The following UGT1A3 variants were observed in gnomAD, a reference collection of about 807,000 sequenced individuals.
UGT1A3 encodes the protein UDP-glucuronosyltransferase 1A3.
Under a neutral mutation model 41.0 loss-of-function variants are expected in UGT1A3, and 31 were observed. That is an observed-to-expected ratio of 0.76 (90% CI 0.57 to 1.02). UGT1A3 has a LOEUF of 1.02. UGT1A3 is among the 50% of genes least tolerant of loss of function. UGT1A3 has a pLI of 0.00. For missense variants in UGT1A3, 737 were observed against 671.0 expected (o/e 1.10, Z -1.09); for synonymous variants, 262 against 257.6 (o/e 1.02, Z -0.17).
chr2:233,757,994 T>C (rs1233482965), intron 1 of UGT1A3, among the ~76,000 whole-genome samples: 1 of 152,092 alleles, frequency 6.6e-6, no homozygotes, highest in Non-Finnish European at 1.5e-5. Context: ...TCCCCTGTAA[T>C]TGCCTGGTCA....
At chr2:233,761,009 A>G (rs1395770157) in intron 1 of UGT1A3, 4 of 1,613,884 alleles carry the variant, frequency 2.5e-6, no homozygotes, top group Non-Finnish European at 3.4e-6. Flanking sequence ...CTTCAGAGAG[A>G]GGTGACTGTC....
At chr2:233,764,822 A>G (rs963945721) in intron 1 of UGT1A3, among the ~76,000 whole-genome samples, 3 of 152,082 alleles carry the variant, frequency 2.0e-5, no homozygotes, top group Non-Finnish European at 4.4e-5. Flanking sequence ...AAAATGCAGC[A>G]TGGTGGTGGG....
rs942843599 is a variant in UGT1A3, at chr2:233,747,037, A to G, written c.867+17044A>G. Among the ~76,000 whole-genome samples the G allele has an allele frequency of 1.1e-4, 16 of 151,986 alleles. 1 individual carries two copies. Among genetic ancestry groups the G allele is most frequent in the African/African-American group, 3.9e-4 (16 of 41,218 alleles). ...ATCGGTCTTTCCCGAAGTGGGACCC[A>G]TAATGAAAGACAATGATTGGTTAAT... is the stretch of plus-strand genomic sequence containing the variant. On this transcript the variant is annotated intron_variant, in intron 1 of 4. Transcript: ENST00000482026.
At position 233,729,885 on chromosome 2, in the gene UGT1A3, T is replaced by C. The variant is rs2077943126; in HGVS notation, c.759T>C (p.Ser253=). Residue 253 remains serine, a synonymous_variant, in exon 1 of 5, where the codon TCT becomes TCC. Transcript: ENST00000482026. The part of the protein sequence containing the change: ...VSVVDILSHA[S]VWLFRGDFVM... ...TGGTGGATATTCTCAGTCATGCATC[T>C]GTGTGGCTGTTCCGAGGGGACTTTG... is the stretch of plus-strand genomic sequence containing the variant. 1.9e-6 allele frequency: 3 copies of C among 1,613,802 alleles called. No homozygotes were observed. Among genetic ancestry groups the C allele is most frequent in the South Asian group, 1.1e-5 (1 of 91,068 alleles).
In UGT1A3 at chr2:233,729,302, T is replaced by A; in HGVS notation, c.176T>A (p.Val59Glu). The A allele has an allele frequency of 6.2e-7, 1 of 1,614,250 alleles. No homozygotes were observed. Among genetic ancestry groups the A allele is most frequent in the Non-Finnish European group, 8.5e-7 (1 of 1,180,042 alleles). Residue 59 changes from valine to glutamate, a missense_variant, in exon 1 of 5, where the codon GTG (valine) becomes GAG (glutamate). Val to Glu is a moderately radical substitution (Grantham distance 121). Transcript: ENST00000482026. ...CTCCATGCCAGAGGCCACCAGGCAG[T>A]GGTCCTCACCCCAGAGGTGAATATG... is the stretch of plus-strand genomic sequence containing the variant. ...RELHARGHQAVVLTPEVNMHI... is the reference protein window; with the variant it reads ...RELHARGHQAEVLTPEVNMHI...
intron 1 of UGT1A3, among the ~76,000 whole-genome samples, chr2:233,746,318 T>A (rs1693357703): frequency 6.6e-6 from 1 of 151,812 alleles, no homozygotes; most frequent in Non-Finnish European, 1.5e-5. Context: ...GCCCTGTAGA[T>A]GATCTACAGG....
intron 2 of UGT1A3, 91 bp from the exon 3 acceptor site, chr2:233,767,758 G>A: frequency 6.2e-7 from 1 of 1,604,004 alleles, no homozygotes. Context: ...TGTTCCTTCA[G>A]AGGACCCCTG....
At chr2:233,756,070 G>A (rs1207859334) in intron 1 of UGT1A3, 1 of 152,196 alleles carries the variant, frequency 6.6e-6, no homozygotes, top group African/African-American at 2.4e-5. Flanking sequence ...GTGGGAGAAT[G>A]ACAATGAGAA....
At chr2:233,731,985 C>T (rs770013724) in intron 1 of UGT1A3, among the ~76,000 whole-genome samples, 2 of 152,098 alleles carry the variant, frequency 1.3e-5, no homozygotes, top group Admixed American at 6.6e-5. Flanking sequence ...TTCTAACTGG[C>T]GTGAGATGGT....
chr2:233,743,960 G>T, intron 1 of UGT1A3: 4 of 1,334,214 alleles, frequency 3.0e-6, no homozygotes, highest in Admixed American at 2.0e-5. Context: ...CACAGCGAGC[G>T]GCAAGGCTGC....
At chr2:233,760,104 A>T in intron 1 of UGT1A3, 1 of 1,171,464 alleles carries the variant, frequency 8.5e-7, no homozygotes, top group Non-Finnish European at 1.2e-6. Flanking sequence ...GTTGCCTATT[A>T]AGAAACCTAA....
Position 233,729,530 on chromosome 2 carries a change from A to G in UGT1A3, c.404A>G (p.Glu135Gly), listed in dbSNP as rs372837189. The G allele has an allele frequency of 5.6e-6, 9 of 1,614,100 alleles. No individual in the cohort carries two copies. Among genetic ancestry groups the G allele is most frequent in the African/African-American group, 1.3e-5 (1 of 74,922 alleles). Residue 135 changes from glutamate (E) to glycine (G), a missense_variant, in exon 1 of 5, where the codon GAG becomes GGG. By Grantham distance (98) the Glu-to-Gly change is moderately conservative. Transcript: ENST00000482026. ...TCTTGTGTGGAGCTACTACATAATGAGGCCCTGATCAGGCACCTGAATGCT... is the reference window on the plus strand; with the variant it reads ...TCTTGTGTGGAGCTACTACATAATGGGGCCCTGATCAGGCACCTGAATGCT... ...HRSCVELLHN[E>G]ALIRHLNATS... is the part of the protein sequence containing the mutation.
chr2:233,734,392 G>A (rs570744266), intron 1 of UGT1A3, among the ~76,000 whole-genome samples: 1 of 151,992 alleles, frequency 6.6e-6, no homozygotes, highest in Non-Finnish European at 1.5e-5. Context: ...ATTTTTTATT[G>A]CGTCTATTTG....
chr2:233,744,852 T>C (rs17864703), intron 1 of UGT1A3, among the ~76,000 whole-genome samples: 15 of 152,070 alleles, frequency 9.9e-5, no homozygotes, highest in Non-Finnish European at 1.3e-4. Flanking sequence ...AGAGTAGTCC[T>C]TGGTATTCTG....
At chr2:233,731,192 A>G (rs1451773849) in intron 1 of UGT1A3, among the ~76,000 whole-genome samples, 1 of 152,106 alleles carries the variant, frequency 6.6e-6, no homozygotes, top group African/African-American at 2.4e-5. Context: ...GTAATTATTC[A>G]ATTATAAAAT....
In UGT1A3 at chr2:233,754,506, C is replaced by T. The variant is rs1695499420; in HGVS notation, c.868-12528C>T. 9 of 356,440 alleles carry T rather than the reference C, an allele frequency of 2.5e-5. 1 individual carries two copies. Among genetic ancestry groups the T allele is most frequent in the Middle Eastern group, 3.8e-4 (1 of 2,606 alleles). The allele number at this position is 356,440 out of a possible 1,614,324, so 22.1% of individuals were successfully genotyped here. ...TCAATCCTAAAAAAAGTCCGCTATT[C>T]CTCCAGATGTGCTTAAAGGCAAATG... On this transcript the variant is annotated intron_variant, in intron 1 of 4. Transcript: ENST00000482026.
intron 1 of UGT1A3, among the ~76,000 whole-genome samples, chr2:233,750,255 C>A (rs915928909): frequency 1.3e-5 from 2 of 151,886 alleles, no homozygotes; most frequent in Admixed American, 1.3e-4. Context: ...CAAAGGTCAC[C>A]CTTGCTATGC....
rs202172337 is a variant in UGT1A3 at position 233,772,279 on chromosome 2, T to C, written c.1325T>C (p.Met442Thr). The change falls in exon 5 of 5, where the codon ATG becomes ACG. Residue 442 changes from methionine to threonine, a missense_variant. Met to Thr is a moderately conservative substitution (Grantham distance 81). Transcript: ENST00000482026. ...GTGTTTAGTTACAAGGAGAACATCA[T>C]GCGCCTCTCCAGCCTTCACAAGGAC... is the stretch of plus-strand genomic sequence containing the variant. ...INDKSYKENI[M>T]RLSSLHKDRP... is the part of the protein sequence containing the mutation. 1.3e-4 allele frequency: 204 copies of C among 1,614,264 alleles called. No individual in the cohort carries two copies. Among genetic ancestry groups the C allele is most frequent in the East Asian group, 4.2e-4 (19 of 44,890 alleles).
Position 233,729,891 on chromosome 2 carries a change from G to A in UGT1A3, c.765G>A (p.Trp255Ter). The change falls in exon 1 of 5, where the codon TGG becomes TGA. Residue 255 changes from tryptophan (W) to a stop codon, truncating the protein, a stop_gained. Coordinates refer to ENST00000482026, the MANE Select transcript of UGT1A3 (RefSeq NM_019093.4). LOFTEE classifies it high-confidence loss of function. ...ATATTCTCAGTCATGCATCTGTGTG[G>A]CTGTTCCGAGGGGACTTTGTGATGG... ...VVDILSHASV[W>*]LFRGDFVMDY... 1.2e-6 allele frequency: 2 copies of A among 1,613,886 alleles called. No homozygotes were observed. The highest frequency in any genetic ancestry group is 1.7e-6 in the Non-Finnish European group (2 of 1,179,882).
Sources: allele counts gnomAD v4.1 joint callset (sites outside exome capture counted in the v4.1 genomes callset), GRCh38; gene constraint gnomAD v4.1.1; transcripts MANE v1.5; gene names NCBI Gene and HGNC (gene_info 2026-07-23, HGNC 2026-07-21).